TMEM132D: variants seen among roughly 807,000 people sequenced by gnomAD.
The protein encoded by TMEM132D is mature OL transmembrane protein.
TMEM132D carries 21 observed loss-of-function variants against 62.3 expected under a neutral mutation model. The ratio of observed to expected loss-of-function variants is 0.34; its 90% CI spans 0.24 to 0.49. TMEM132D has a LOEUF of 0.49. TMEM132D is among the 20% of genes least tolerant of loss of function. TMEM132D has a pLI of 0.99. For missense variants in TMEM132D, 1,346 were observed against 1,402.8 expected (o/e 0.96, Z 0.65); for synonymous variants, 621 against 575.6 (o/e 1.08, Z -1.13).
intron 1 of TMEM132D, among the ~76,000 whole-genome samples, chr12:129,829,258 A>G (rs1382712478): frequency 6.6e-6 from 1 of 152,168 alleles, no homozygotes; most frequent in African/African-American, 2.4e-5. Context: ...CGTGGTTATT[A>G]TAGAGTTCAG....
chr12:129,226,892 G>A (rs1879493805), intron 4 of TMEM132D, among the ~76,000 whole-genome samples: 1 of 152,136 alleles, frequency 6.6e-6, no homozygotes, highest in Admixed American at 6.5e-5. Context: ...CCTGCTGTCT[G>A]GGAATAAGGT....
intron 2 of TMEM132D, among the ~76,000 whole-genome samples, chr12:129,543,393 G>A (rs1387379680): frequency 7.2e-6 from 1 of 138,590 alleles, no homozygotes; most frequent in Non-Finnish European, 1.5e-5. Flanking sequence ...TGGATGGATG[G>A]ATGGATGGAT....
intron 4 of TMEM132D, among the ~76,000 whole-genome samples, chr12:129,305,146 T>C (rs1229567488): frequency 6.6e-6 from 1 of 152,224 alleles, no homozygotes; most frequent in Non-Finnish European, 1.5e-5. Context: ...TTCATCACTA[T>C]ATCCCCAATA....
At chr12:129,446,413 G>A (rs141176879) in intron 3 of TMEM132D, among the ~76,000 whole-genome samples, 15 of 152,276 alleles carry the variant, frequency 9.9e-5, no homozygotes, top group East Asian at 1.9e-4. Flanking sequence ...ACACTCTGGC[G>A]TATTCATTCA....
At chr12:129,245,236 C>T (rs1217593195) in intron 4 of TMEM132D, among the ~76,000 whole-genome samples, 1 of 152,228 alleles carries the variant, frequency 6.6e-6, no homozygotes, top group East Asian at 1.9e-4. Flanking sequence ...CAACTCCTAA[C>T]AACTACCGAT....
chr12:129,582,877 G>A (rs1163342669), intron 2 of TMEM132D, among the ~76,000 whole-genome samples: 14 of 151,842 alleles, frequency 9.2e-5, no homozygotes, highest in East Asian at 3.9e-4. Context: ...CACCCACCTC[G>A]GCCTCCCAAA....
At chr12:129,765,746 G>A (rs1271243853) in intron 1 of TMEM132D, among the ~76,000 whole-genome samples, 1 of 152,014 alleles carries the variant, frequency 6.6e-6, no homozygotes, top group East Asian at 1.9e-4. Context: ...ATTCTCTTTT[G>A]TCCTGGTTAT....
intron 4 of TMEM132D, among the ~76,000 whole-genome samples, chr12:129,323,797 T>C (rs1160189198): frequency 6.6e-6 from 1 of 152,206 alleles, no homozygotes; most frequent in Non-Finnish European, 1.5e-5. Flanking sequence ...GAGTCATCTC[T>C]TCCCTGTCTA....
chr12:129,686,398 C>T (rs1471945855), intron 2 of TMEM132D, among the ~76,000 whole-genome samples: 1 of 152,108 alleles, frequency 6.6e-6, no homozygotes, highest in African/African-American at 2.4e-5. Context: ...CTTTGCTCAG[C>T]ACTTCTCCTT....
At chr12:129,492,488 C>A (rs1490383783) in intron 3 of TMEM132D, among the ~76,000 whole-genome samples, 1 of 152,186 alleles carries the variant, frequency 6.6e-6, no homozygotes, top group Non-Finnish European at 1.5e-5. Flanking sequence ...AATTGGTGCA[C>A]AAAATATAAC....
intron 3 of TMEM132D, among the ~76,000 whole-genome samples, chr12:129,484,401 G>A (rs1874522864): frequency 6.6e-6 from 1 of 152,216 alleles, no homozygotes; most frequent in Non-Finnish European, 1.5e-5. Flanking sequence ...GCACACAATA[G>A]AGTAATTAAA....
chr12:129,894,827 C>T (rs553765893), intron 1 of TMEM132D, among the ~76,000 whole-genome samples: 15 of 152,180 alleles, frequency 9.9e-5, no homozygotes, highest in African/African-American at 2.4e-4. Flanking sequence ...TCTTTTTACA[C>T]GTGTTCCTCT....
intron 2 of TMEM132D, among the ~76,000 whole-genome samples, chr12:129,574,352 A>G (rs1877598950): frequency 6.6e-6 from 1 of 151,896 alleles, no homozygotes; most frequent in Admixed American, 6.6e-5. Context: ...GTAATAAACT[A>G]TTGGGGGATA....
At chr12:129,216,496 A>T (rs1879205226) in intron 4 of TMEM132D, among the ~76,000 whole-genome samples, 1 of 152,186 alleles carries the variant, frequency 6.6e-6, no homozygotes, top group South Asian at 2.1e-4. Flanking sequence ...GATTGGGGTG[A>T]TCCATCCGTA....
At chr12:129,703,315 A>T (rs970994091) in intron 1 of TMEM132D, among the ~76,000 whole-genome samples, 1 of 152,206 alleles carries the variant, frequency 6.6e-6, no homozygotes, top group Non-Finnish European at 1.5e-5. Flanking sequence ...CAATAAGGCA[A>T]TCGGGGTCAC....
At chr12:129,887,423 T>G (rs951313900) in intron 1 of TMEM132D, among the ~76,000 whole-genome samples, 1 of 152,168 alleles carries the variant, frequency 6.6e-6, no homozygotes, top group Non-Finnish European at 1.5e-5. Context: ...AGTATAACAC[T>G]TGACATTGTC....
intron 3 of TMEM132D, among the ~76,000 whole-genome samples, chr12:129,376,071 T>C (rs1000190032): frequency 6.6e-6 from 1 of 152,138 alleles, no homozygotes; most frequent in African/African-American, 2.4e-5. Flanking sequence ...ATGTTAACAT[T>C]TCAGAGATAA....
intron 2 of TMEM132D, among the ~76,000 whole-genome samples, chr12:129,536,563 G>A (rs1332920488): frequency 6.6e-6 from 1 of 152,140 alleles, no homozygotes; most frequent in Non-Finnish European, 1.5e-5. Context: ...CTTATATGAT[G>A]AAGCACTTCC....
At chr12:129,150,739 C>T (rs974942072) in intron 5 of TMEM132D, among the ~76,000 whole-genome samples, 3 of 152,354 alleles carry the variant, frequency 2.0e-5, no homozygotes, top group Middle Eastern at 3.4e-3. Context: ...GCAGGCTACG[C>T]CTTCAGCCAA....
Sources: allele counts gnomAD v4.1 joint callset (sites outside exome capture counted in the v4.1 genomes callset), GRCh38; gene constraint gnomAD v4.1.1; transcripts MANE v1.5; gene names NCBI Gene and HGNC (gene_info 2026-07-23, HGNC 2026-07-21).